Variants in RPS6KC1 observed in about 807,000 individuals in gnomAD.
RPS6KC1 encodes inactive ribosomal protein S6 kinase delta-1.
Under a neutral mutation model 103.8 loss-of-function variants are expected in RPS6KC1, and 54 were observed. The observed-to-expected ratio is 0.52, with a 90% CI of 0.42 to 0.65. The LOEUF is 0.65. Among genes scored for constraint, RPS6KC1 ranks in the 30% least tolerant of loss-of-function variants. The pLI, the probability that RPS6KC1 is intolerant of heterozygous loss-of-function variation, is 0.00. For synonymous variants in RPS6KC1, 439 were observed against 438.7 expected, an observed-to-expected ratio of 1.00 and a Z score of -0.01; for missense variants, 1,151 against 1,253.8, an observed-to-expected ratio of 0.92 and a Z score of 1.24.
chr1:213,714,024 G>T, the RPS6KC1 span, among the ~76,000 whole-genome samples: 1 of 152,178 alleles, frequency 6.6e-6, no homozygotes, highest in South Asian at 2.1e-4. Flanking sequence ...TACTCTGTCT[G>T]CCTTGGCAGA....
the RPS6KC1 span, among the ~76,000 whole-genome samples, chr1:213,504,255 T>C: frequency 2.0e-5 from 3 of 152,222 alleles, no homozygotes; most frequent in Admixed American, 2.0e-4. Context: ...TGATTATATT[T>C]CTTTCTCAAA....
intron 1 of RPS6KC1, among the ~76,000 whole-genome samples, chr1:213,067,172 G>C (rs912404474): frequency 6.6e-6 from 1 of 152,130 alleles, no homozygotes; most frequent in Non-Finnish European, 1.5e-5. Context: ...ATAAAATCAA[G>C]CTGTGCCCCT....
intron 8 of RPS6KC1, among the ~76,000 whole-genome samples, chr1:213,179,308 G>A (rs1005326645): frequency 9.9e-5 from 15 of 151,806 alleles, no homozygotes; most frequent in South Asian, 2.1e-4. Flanking sequence ...CCAGCTACTC[G>A]GGAGGCTGAG....
chr1:213,283,307 C>T, the RPS6KC1 span, among the ~76,000 whole-genome samples: 5 of 152,174 alleles, frequency 3.3e-5, no homozygotes, highest in Admixed American at 2.0e-4. Flanking sequence ...ATGGCGGTAG[C>T]ATACTGCCCA....
At chr1:213,245,850 C>A (rs1237054642) in intron 12 of RPS6KC1, among the ~76,000 whole-genome samples, 1 of 152,126 alleles carries the variant, frequency 6.6e-6, no homozygotes, top group Non-Finnish European at 1.5e-5. Context: ...CAAATGATCA[C>A]CTTCTGTTAT....
At chr1:213,792,794 G>T in the RPS6KC1 span, among the ~76,000 whole-genome samples, 36 of 152,124 alleles carry the variant, frequency 2.4e-4, no homozygotes, top group Non-Finnish European at 3.8e-4. Context: ...CAACTCGGAG[G>T]TTCATTTGGG....
the RPS6KC1 span, among the ~76,000 whole-genome samples, chr1:213,447,681 G>A: frequency 6.6e-6 from 1 of 152,098 alleles, no homozygotes; most frequent in East Asian, 1.9e-4. Context: ...TAATCAATGC[G>A]GCTCAGGTAG....
chr1:213,139,309 T>C lies in RPS6KC1; in HGVS notation c.835+9420T>C, dbSNP rs147149480. Among the ~76,000 whole-genome samples the C allele has an allele frequency of 9.1e-3, 1,385 of 152,232 alleles. 17 individuals carry two copies. Among genetic ancestry groups the C allele is most frequent in the African/African-American group, 0.029 (1,212 of 41,560 alleles). ...TGTTCTATGGGTTGTCTGTTTATTC[T>C]GTTGATAGTTTGTTTTGCTATGCAG... On this transcript the variant is annotated intron_variant, in intron 6 of 14. Transcript: ENST00000366960.
chr1:213,194,974 A>G (rs1482577413), intron 8 of RPS6KC1, among the ~76,000 whole-genome samples: 1 of 152,216 alleles, frequency 6.6e-6, no homozygotes, highest in Non-Finnish European at 1.5e-5. Flanking sequence ...AATGGAGAAC[A>G]GATCTATGGA....
chr1:213,246,048 A>C (rs971337477), intron 12 of RPS6KC1, among the ~76,000 whole-genome samples: 1 of 152,128 alleles, frequency 6.6e-6, no homozygotes, highest in Non-Finnish European at 1.5e-5. Context: ...AAAACCATGG[A>C]GCTTTCTCTG....
chr1:213,380,112 G>GGT, the RPS6KC1 span, among the ~76,000 whole-genome samples: 5 of 152,032 alleles, frequency 3.3e-5, no homozygotes, highest in Admixed American at 3.3e-4. Context: ...AAGAAAATGT[G>GGT]GTATATATAC....
the RPS6KC1 span, among the ~76,000 whole-genome samples, chr1:213,340,894 G>A: frequency 1.3e-5 from 2 of 152,248 alleles, no homozygotes; most frequent in Admixed American, 6.5e-5. Context: ...GGGCCAAGCC[G>A]TGTAGTGGCT....
At chr1:213,785,813 T>C in the RPS6KC1 span, among the ~76,000 whole-genome samples, 1 of 152,208 alleles carries the variant, frequency 6.6e-6, no homozygotes, top group Non-Finnish European at 1.5e-5. Context: ...TGTAACACCT[T>C]ATACTGTGTT....
chr1:213,361,548 C>T, the RPS6KC1 span, among the ~76,000 whole-genome samples: 4 of 152,244 alleles, frequency 2.6e-5, no homozygotes, highest in Admixed American at 2.0e-4. Flanking sequence ...ATGCTCAGTG[C>T]GCTGCACCCA....
chr1:213,812,153 A>C, the RPS6KC1 span, among the ~76,000 whole-genome samples: 1 of 152,182 alleles, frequency 6.6e-6, no homozygotes, highest in Non-Finnish European at 1.5e-5. Flanking sequence ...ATTAAGAAAA[A>C]AGGAAAGAAA....
intron 12 of RPS6KC1, among the ~76,000 whole-genome samples, chr1:213,243,490 A>G (rs1475010276): frequency 6.6e-6 from 1 of 152,192 alleles, no homozygotes; most frequent in Non-Finnish European, 1.5e-5. Context: ...ACAAATTTTT[A>G]TAGACAAAAC....
chr1:213,418,492 G>A, the RPS6KC1 span, among the ~76,000 whole-genome samples: 1 of 152,118 alleles, frequency 6.6e-6, no homozygotes, highest in Non-Finnish European at 1.5e-5. Context: ...CTGACTCTGG[G>A]ATGGGCCCCT....
chr1:213,315,292 C>T, the RPS6KC1 span, among the ~76,000 whole-genome samples: 2 of 152,232 alleles, frequency 1.3e-5, no homozygotes, highest in Non-Finnish European at 2.9e-5. Context: ...TGTTTCCCTT[C>T]CCTCTCTGTC....
intron 8 of RPS6KC1, among the ~76,000 whole-genome samples, chr1:213,216,161 C>T (rs1396886225): frequency 5.9e-5 from 9 of 151,790 alleles, no homozygotes; most frequent in Admixed American, 2.0e-4. Flanking sequence ...CACATAGGCT[C>T]AAAATAAAGG....
Sources: gnomAD v4.1 joint callset for allele counts (sites outside exome capture counted in the v4.1 genomes callset) on GRCh38, gnomAD v4.1.1 for gene constraint, MANE v1.5 for transcripts, NCBI Gene and HGNC (gene_info 2026-07-23, HGNC 2026-07-21) for gene names.